The following AKR1E2 variants were observed in gnomAD, a reference collection of about 807,000 sequenced individuals.
The protein encoded by AKR1E2 is aldo-keto reductase family 1 member E2.
In AKR1E2, 43 loss-of-function variants were observed where a neutral mutation model predicts 41.9. The ratio of observed to expected loss-of-function variants is 1.03; its 90% CI spans 0.80 to 1.32. The LOEUF (loss-of-function observed/expected upper bound fraction) is 1.32, where lower values mean the gene tolerates loss of function less well. AKR1E2 is among the 40% of genes most tolerant of loss of function. AKR1E2 has a pLI of 0.00. For synonymous variants in AKR1E2, 121 were observed against 138.9 expected (o/e 0.87, Z 0.91); for missense variants, 423 against 396.5 (o/e 1.07, Z -0.57).
chr10:4,851,941 C>T (rs1249972907), downstream of AKR1E2, among the ~76,000 whole-genome samples: 1 of 152,160 alleles, frequency 6.6e-6, no homozygotes, highest in Non-Finnish European at 1.5e-5. Flanking sequence ...GGACACATTC[C>T]ACCCCACAGG....
chr10:4,841,844 A>C lies in AKR1E2; in HGVS notation c.740A>C (p.Lys247Thr), dbSNP rs778441908. 1 of 1,613,598 alleles carries C rather than the reference A, an allele frequency of 6.2e-7. No individual in the cohort carries two copies. The highest frequency in any genetic ancestry group is 8.5e-7 in the Non-Finnish European group (1 of 1,179,796). Reference protein sequence around the residue: ...VIKRIAKEHGKSPAQILIRFQ... With the variant: ...VIKRIAKEHGTSPAQILIRFQ... Reference sequence around the variant, plus strand: ...AAGAGGATTGCAAAGGAGCACGGCAAGTCTCCTGCTCAGGTAGGGAGGGAG... The same window carrying C: ...AAGAGGATTGCAAAGGAGCACGGCACGTCTCCTGCTCAGGTAGGGAGGGAG... Residue 247 changes from lysine to threonine, a missense_variant, in exon 7 of 10, where the codon AAG becomes ACG. By Grantham distance (78) the Lys-to-Thr change is moderately conservative. Coordinates refer to ENST00000298375, the MANE Select transcript of AKR1E2 (RefSeq NM_001040177.3).
chr10:4,865,549 A>G, the AKR1E2 span, among the ~76,000 whole-genome samples: 1 of 152,216 alleles, frequency 6.6e-6, no homozygotes, highest in African/African-American at 2.4e-5. Context: ...ATGATAATTG[A>G]AATAAAAGTG....
At chr10:4,855,736 TG>T in the AKR1E2 span, among the ~76,000 whole-genome samples, 1 of 152,244 alleles carries the variant, frequency 6.6e-6, no homozygotes, top group East Asian at 1.9e-4. Flanking sequence ...TTTTAGTTCA[TG>T]TGACTTAAGT....
the AKR1E2 span, among the ~76,000 whole-genome samples, chr10:4,854,090 T>TG: frequency 0.068 from 5,426 of 79,982 alleles, 171 homozygotes; most frequent in East Asian, 0.15. Context: ...TTACTGTTTT[T>TG]TTTTTTTTTT....
At chr10:4,860,782 T>C in the AKR1E2 span, among the ~76,000 whole-genome samples, 8 of 152,352 alleles carry the variant, frequency 5.3e-5, no homozygotes, top group East Asian at 1.5e-3. Flanking sequence ...GAATATGCTT[T>C]ATTGGCTTTT....
chr10:4,829,465 G>T (rs1832796122), intron 1 of AKR1E2, among the ~76,000 whole-genome samples: 2 of 152,148 alleles, frequency 1.3e-5, no homozygotes, highest in Admixed American at 1.3e-4. Flanking sequence ...GTCTGATTTT[G>T]ATTCAGGGTT....
intron 2 of AKR1E2, 143 bp downstream of exon 2, chr10:4,830,985 C>G: frequency 9.2e-7 from 1 of 1,081,134 alleles, no homozygotes; most frequent in Non-Finnish European, 1.3e-6. Flanking sequence ...CATGAGCATG[C>G]TGAATTATAT....
chr10:4,834,784 T>C (rs1833270602), intron 3 of AKR1E2, among the ~76,000 whole-genome samples: 1 of 152,202 alleles, frequency 6.6e-6, no homozygotes, highest in African/African-American at 2.4e-5. Flanking sequence ...AAGGAAAAGG[T>C]CTCAGATCAT....
intron 7 of AKR1E2, among the ~76,000 whole-genome samples, chr10:4,842,081 A>T (rs1374371412): frequency 1.3e-5 from 2 of 152,132 alleles, no homozygotes; most frequent in Non-Finnish European, 2.9e-5. Flanking sequence ...TCAGAGGAGG[A>T]GTTTCCAGGC....
downstream of AKR1E2, among the ~76,000 whole-genome samples, chr10:4,852,895 C>T (rs1834558409): frequency 6.6e-6 from 1 of 152,148 alleles, no homozygotes; most frequent in Non-Finnish European, 1.5e-5. Flanking sequence ...TCTGTGTCCT[C>T]ACATGGTCTT....
At position 4,837,480 on chromosome 10, in the gene AKR1E2, A is replaced by G; in HGVS notation, c.481A>G (p.Thr161Ala). The change falls in exon 5 of 10, where the codon ACC becomes GCC. Residue 161 changes from threonine to alanine, a missense_variant. Coordinates refer to ENST00000298375, the MANE Select transcript of AKR1E2 (RefSeq NM_001040177.3). The stretch of plus-strand genomic sequence containing the variant: ...ATAGGCCATGGAGGACCTGGTGATC[A>G]CCGGGCTGGTGAAGAACATCGGGGT... ...TWEAMEDLVI[T>A]GLVKNIGVSN... 1 of 1,614,194 alleles carries G rather than the reference A, an allele frequency of 6.2e-7. No homozygotes were observed. The highest frequency in any genetic ancestry group is 1.1e-5 in the South Asian group (1 of 91,088).
chr10:4,858,690 A>G, the AKR1E2 span, among the ~76,000 whole-genome samples: 1 of 152,162 alleles, frequency 6.6e-6, no homozygotes, highest in Non-Finnish European at 1.5e-5. Flanking sequence ...AGGTGGAAAG[A>G]AGGCATGCAC....
chr10:4,841,578 C>G (rs1833877115), intron 6 of AKR1E2, among the ~76,000 whole-genome samples: 1 of 151,942 alleles, frequency 6.6e-6, no homozygotes, highest in African/African-American at 2.4e-5. Flanking sequence ...TGTCGTGTAG[C>G]CTTGTTCACC....
chr10:4,825,434 C>A (rs1275687875), upstream of AKR1E2, among the ~76,000 whole-genome samples: 1 of 152,092 alleles, frequency 6.6e-6, no homozygotes, highest in Non-Finnish European at 1.5e-5. Context: ...CTGGGGGAGC[C>A]CAGTCCACTC....
chr10:4,855,510 G>A, the AKR1E2 span, among the ~76,000 whole-genome samples: 1 of 152,156 alleles, frequency 6.6e-6, no homozygotes, highest in Admixed American at 6.5e-5. Flanking sequence ...TTGTAACCAT[G>A]TGGCAGTACT....
At chr10:4,864,989 TAA>T in the AKR1E2 span, among the ~76,000 whole-genome samples, 1 of 152,140 alleles carries the variant, frequency 6.6e-6, no homozygotes, top group Non-Finnish European at 1.5e-5. Flanking sequence ...CCAATTTGAA[TAA>T]AGAGTTAACT....
chr10:4,869,012 C>T, the AKR1E2 span, among the ~76,000 whole-genome samples: 7 of 151,650 alleles, frequency 4.6e-5, no homozygotes, highest in South Asian at 6.3e-4. Context: ...TCTTCCTTTC[C>T]GTTTTTGTCT....
At chr10:4,827,075 G>GAAAAAAAAAAAA (rs5782783) in intron 1 of AKR1E2, among the ~76,000 whole-genome samples, 1 of 123,144 alleles carries the variant, frequency 8.1e-6, no homozygotes, top group African/African-American at 3.1e-5. Context: ...GACCTTGCTG[G>GAAAAAAAAAAAA]AAAAAAAAAA....
rs372696182 is a variant in AKR1E2 at position 4,844,431 on chromosome 10, T to C, written c.837+1927T>C. Among the ~76,000 whole-genome samples, 105 of 152,248 alleles carry C rather than the reference T, an allele frequency of 6.9e-4. 2 individuals carry two copies. In the South Asian group the frequency reaches 0.019, roughly 27 times the overall value. Reference sequence around the variant, plus strand: ...GACCGAAACAACAAAGCTTCCGCAGTGTGGAAGGGGACGGGAGTGGGTTGC... The same window carrying C: ...GACCGAAACAACAAAGCTTCCGCAGCGTGGAAGGGGACGGGAGTGGGTTGC... On this transcript the variant is annotated intron_variant, in intron 8 of 9. Transcript: ENST00000298375.
Sources: allele counts gnomAD v4.1 joint callset (sites outside exome capture counted in the v4.1 genomes callset), GRCh38; gene constraint gnomAD v4.1.1; transcripts MANE v1.5; gene names NCBI Gene and HGNC (gene_info 2026-07-23, HGNC 2026-07-21).